The following SPATA31C1 variants were observed in gnomAD, a reference collection of about 807,000 sequenced individuals.
SPATA31C1 encodes SPATA31 subfamily C member 1, also known as spermatogenesis-associated protein 31C1.
chr9:87,915,020 GTC>G (rs1362720421), intron 1 of SPATA31C1, among the ~76,000 whole-genome samples: 81 of 30,682 alleles, frequency 2.6e-3, no homozygotes, highest in African/African-American at 8.0e-3. Context: ...GAGACGGGAG[GTC>G]TCTGTCCGAG....
chr9:87,920,922 T>C, exon 5 of SPATA31C1: 5 of 1,613,210 alleles, frequency 3.1e-6, no homozygotes, highest in Non-Finnish European at 2.5e-6. Context: ...GGGGCCTGAG[T>C]CCCAACCCTT....
chr9:87,920,587 C>T lies in SPATA31C1; in HGVS notation n.977C>T, dbSNP rs763321614. 27 of 1,613,640 alleles carry T rather than the reference C, an allele frequency of 1.7e-5. No individual in the cohort carries two copies. In the South Asian group the frequency reaches 2.9e-4, roughly 17 times the overall value. On this transcript the variant is annotated non_coding_transcript_exon_variant, in exon 5 of 5. Coordinates refer to ENST00000420021, the Ensembl canonical transcript of SPATA31C1. ...CCACCACACACCCCTGATCCTCTGG[C>T]CTGCTCTCCACCTCCTCCGAAAGGC...
At chr9:87,923,283 A>G (rs757275446) in exon 5 of SPATA31C1, 2 of 1,603,806 alleles carry the variant, frequency 1.2e-6, no homozygotes, top group Admixed American at 1.7e-5. Context: ...AGCCACTCTC[A>G]AGAACCAGAG....
chr9:87,917,204 G>A (rs1587586813), intron 1 of SPATA31C1, among the ~76,000 whole-genome samples: 1 of 140,384 alleles, frequency 7.1e-6, no homozygotes. Flanking sequence ...AAGGTCCGGA[G>A]ATCGAGGCCA....
exon 5 of SPATA31C1, chr9:87,922,043 C>T (rs1027787244): frequency 1.2e-6 from 2 of 1,613,972 alleles, no homozygotes; most frequent in Non-Finnish European, 1.7e-6. Flanking sequence ...TGGCCACGCT[C>T]CTTGGAGAGC....
exon 5 of SPATA31C1, chr9:87,921,051 G>A (rs1828848208): frequency 6.2e-7 from 1 of 1,611,290 alleles, no homozygotes; most frequent in Admixed American, 1.7e-5. Flanking sequence ...GAAGAACACT[G>A]GAGTAGCTTG....
exon 5 of SPATA31C1, chr9:87,920,730 T>C (rs1251030989): frequency 6.2e-7 from 1 of 1,613,986 alleles, no homozygotes; most frequent in South Asian, 1.1e-5. Context: ...TTTGGCGGCT[T>C]CTGTCCCAGC....
At chr9:87,915,284 A>C (rs1345969740) in intron 1 of SPATA31C1, among the ~76,000 whole-genome samples, 7 of 125,756 alleles carry the variant, frequency 5.6e-5, no homozygotes, top group Non-Finnish European at 8.7e-5. Flanking sequence ...CCTCATATTG[A>C]AAATCCCTGT....
chr9:87,920,838 C>G (rs1213332012), exon 5 of SPATA31C1: 2 of 1,613,650 alleles, frequency 1.2e-6, no homozygotes, highest in Non-Finnish European at 1.7e-6. Context: ...GTCAGTCCAG[C>G]AAGATCATCT....
exon 5 of SPATA31C1, chr9:87,922,419 A>T (rs771859335): frequency 3.1e-6 from 5 of 1,610,314 alleles, no homozygotes; most frequent in Non-Finnish European, 4.2e-6. Context: ...TCCAGGCGCC[A>T]GCAAAAGCTC....
chr9:87,919,353 G>A lies in SPATA31C1; in HGVS notation n.580+5G>A, dbSNP rs760770497. 13 of 1,602,420 alleles carry A rather than the reference G, an allele frequency of 8.1e-6. No individual in the cohort carries two copies. The highest frequency in any genetic ancestry group is 2.7e-5 in the African/African-American group (2 of 74,290). ...TGAAAAACCACAGTCTGAGAGGTAA[G>A]GCTCTGCCAGGGCACACTAGAGTTA... On this transcript the variant is annotated splice_donor_5th_base_variant and intron_variant and non_coding_transcript_variant, in intron 3 of 4. Coordinates refer to ENST00000420021, the Ensembl canonical transcript of SPATA31C1.
chr9:87,923,273 A>C (rs1184064897), exon 5 of SPATA31C1: 1 of 1,603,768 alleles, frequency 6.2e-7, no homozygotes. Flanking sequence ...GCAGTCAACA[A>C]GCCACTCTCA....
exon 5 of SPATA31C1, chr9:87,921,874 T>C (rs1220646588): frequency 1.8e-5 from 29 of 1,611,924 alleles, no homozygotes; most frequent in Non-Finnish European, 2.3e-5. Context: ...GAAGCCCATA[T>C]TGTGAGGTTT....
chr9:87,922,925 G>C, exon 5 of SPATA31C1: 1 of 1,603,012 alleles, frequency 6.2e-7, no homozygotes, highest in Middle Eastern at 2.2e-4. Context: ...TGCCATCAAA[G>C]AAACAGCCTC....
At chr9:87,916,302 T>C (rs1239899891) in intron 1 of SPATA31C1, among the ~76,000 whole-genome samples, 1 of 143,886 alleles carries the variant, frequency 6.9e-6, no homozygotes, top group Non-Finnish European at 1.5e-5. Context: ...TGAAATTTAA[T>C]GAGAAATTCT....
intron 1 of SPATA31C1, among the ~76,000 whole-genome samples, chr9:87,916,505 G>A (rs1287749553): frequency 2.0e-5 from 3 of 149,608 alleles, no homozygotes; most frequent in Non-Finnish European, 3.0e-5. Context: ...CTGACAAGGA[G>A]CTCATATCTA....
At chr9:87,915,971 A>G (rs1253870345) in intron 1 of SPATA31C1, among the ~76,000 whole-genome samples, 2 of 142,376 alleles carry the variant, frequency 1.4e-5, no homozygotes, top group African/African-American at 5.1e-5. Context: ...GATTATTGCA[A>G]TAGATATAGA....
upstream of SPATA31C1, among the ~76,000 whole-genome samples, chr9:87,913,947 CAAAAAAATA>C (rs1200065179): frequency 0.011 from 918 of 85,644 alleles, 3 homozygotes; most frequent in African/African-American, 0.026. Context: ...GACTCCGTCT[CAAAAAAATA>C]AAAAAAATAA....
Position 87,921,025 on chromosome 9 carries a change from C to T in SPATA31C1, n.1415C>T, listed in dbSNP as rs767635427. 4.4e-5 allele frequency: 71 copies of T among 1,611,950 alleles called. 1 individual carries two copies. The South Asian group carries it at 7.6e-4, about 17-fold the overall frequency. On this transcript the variant is annotated non_coding_transcript_exon_variant, in exon 5 of 5. Transcript: ENST00000420021. The stretch of plus-strand genomic sequence containing the variant: ...TCCTCTTTCCCAGTCCTATCTCCTG[C>T]TTTTCTATCCCCGATGAAGAACACT...
Sources: allele counts gnomAD v4.1 joint callset (sites outside exome capture counted in the v4.1 genomes callset), GRCh38; gene constraint gnomAD v4.1.1; transcripts MANE v1.5; gene names NCBI Gene and HGNC (gene_info 2026-07-23, HGNC 2026-07-21).